The following ASTN2 variants were observed in gnomAD, a reference collection of about 807,000 sequenced individuals.
ASTN2 encodes astrotactin-2.
ASTN2 carries 54 observed loss-of-function variants against 139.8 expected under a neutral mutation model. The ratio of observed to expected loss-of-function variants is 0.39; its 90% CI spans 0.31 to 0.48. The LOEUF is 0.48. Ranked by LOEUF, ASTN2 falls within the 20% of genes least tolerant of loss-of-function variation. ASTN2 has a pLI of 0.95. For synonymous variants in ASTN2, 756 were observed against 719.5 expected (o/e 1.05, Z -0.81); for missense variants, 1,565 against 1,725.1 (o/e 0.91, Z 1.64).
At chr9:117,169,203 A>T (rs1830735024) in intron 3 of ASTN2, among the ~76,000 whole-genome samples, 1 of 40,758 alleles carries the variant, frequency 2.5e-5, no homozygotes, top group Non-Finnish European at 4.4e-5. Flanking sequence ...AAGGAAGAAG[A>T]AAAAGAAAAA....
Position 116,424,084 on chromosome 9 carries a change from T to C in ASTN2, c.*1767A>G, listed in dbSNP as rs1354504800. On this transcript the variant is annotated 3_prime_UTR_variant, in exon 23 of 23. Transcript: ENST00000313400. Reference sequence around the variant, plus strand: ...CATCTGCTCAAGCTAGGTAGCTTATTTGAGCTAATATGAGGGTGTTAAGAA... The same window carrying C: ...CATCTGCTCAAGCTAGGTAGCTTATCTGAGCTAATATGAGGGTGTTAAGAA... 6.6e-6 allele frequency among the ~76,000 whole-genome samples: 1 copy of C among 152,208 alleles called. No individual in the cohort carries two copies. Among genetic ancestry groups the C allele is most frequent in the Non-Finnish European group, 1.5e-5 (1 of 68,036 alleles).
intron 13 of ASTN2, among the ~76,000 whole-genome samples, chr9:116,748,845 G>C (rs1829322865): frequency 6.6e-6 from 1 of 152,072 alleles, no homozygotes; most frequent in African/African-American, 2.4e-5. Flanking sequence ...CCATCTCTAG[G>C]GAGTGTTTAA....
intron 2 of ASTN2, among the ~76,000 whole-genome samples, chr9:117,229,433 C>T (rs1235583348): frequency 6.6e-6 from 1 of 152,190 alleles, no homozygotes; most frequent in Admixed American, 6.5e-5. Context: ...CTACCCAAGA[C>T]TGGGCAGTCT....
chr9:116,439,194 A>ATTTTTTTTTTTT (rs1016270368), intron 22 of ASTN2, among the ~76,000 whole-genome samples: 1,364 of 56,672 alleles, frequency 0.024, 134 homozygotes, highest in East Asian at 0.039. Flanking sequence ...ATTCAAATAC[A>ATTTTTTTTTTTT]TTTTTTTTTT....
At chr9:116,995,213 C>T (rs1304037724) in intron 7 of ASTN2, among the ~76,000 whole-genome samples, 2 of 152,170 alleles carry the variant, frequency 1.3e-5, no homozygotes, top group Non-Finnish European at 2.9e-5. Flanking sequence ...CTTCTTCATT[C>T]TACATATTTC....
At chr9:117,080,609 T>C (rs1052797091) in intron 5 of ASTN2, among the ~76,000 whole-genome samples, 5 of 152,230 alleles carry the variant, frequency 3.3e-5, no homozygotes, top group African/African-American at 9.7e-5. Context: ...CATTTATTTC[T>C]ATTTTTCTAT....
chr9:117,174,517 TA>T (rs752622038), intron 3 of ASTN2, among the ~76,000 whole-genome samples: 50 of 152,082 alleles, frequency 3.3e-4, no homozygotes, highest in Non-Finnish European at 5.6e-4. Context: ...TAATTACATA[TA>T]CAAATATTTA....
intron 1 of ASTN2, among the ~76,000 whole-genome samples, chr9:117,327,262 G>C (rs1828547597): frequency 6.6e-6 from 1 of 152,148 alleles, no homozygotes; most frequent in African/African-American, 2.4e-5. Flanking sequence ...CTGGTCTGTG[G>C]CCCAGGGATT....
intron 3 of ASTN2, among the ~76,000 whole-genome samples, chr9:117,200,711 C>T (rs1831681135): frequency 6.6e-6 from 1 of 152,136 alleles, no homozygotes; most frequent in African/African-American, 2.4e-5. Flanking sequence ...AGGGATGAAG[C>T]CGACTTAATC....
intron 1 of ASTN2, among the ~76,000 whole-genome samples, chr9:117,385,170 A>C (rs1253190206): frequency 6.6e-6 from 1 of 152,116 alleles, no homozygotes. Context: ...CATGCCTATT[A>C]ATATATTAAC....
intron 16 of ASTN2, among the ~76,000 whole-genome samples, chr9:116,714,799 G>GTTTTTCCAGCTATTCC (rs1346725095): frequency 1.1e-3 from 4 of 3,632 alleles, no homozygotes; most frequent in Admixed American, 6.8e-3. Flanking sequence ...ATCATGTGAG[G>GTTTTTCCAGCTATTCC]CCGGGCGCGG....
intron 5 of ASTN2, among the ~76,000 whole-genome samples, chr9:117,089,286 T>C (rs1828643856): frequency 6.6e-6 from 1 of 152,188 alleles, no homozygotes; most frequent in African/African-American, 2.4e-5. Context: ...AGCACACATC[T>C]CCTGACTCTG....
intron 2 of ASTN2, among the ~76,000 whole-genome samples, chr9:117,233,554 A>G (rs543745481): frequency 6.6e-6 from 1 of 152,200 alleles, no homozygotes. Flanking sequence ...CCCCAAAATG[A>G]ACATCAAATT....
At chr9:116,653,406 T>G (rs1027076572) in intron 16 of ASTN2, among the ~76,000 whole-genome samples, 5 of 152,196 alleles carry the variant, frequency 3.3e-5, no homozygotes, top group African/African-American at 9.7e-5. Flanking sequence ...CAAGATTTCG[T>G]GAAAATAAAG....
intron 3 of ASTN2, among the ~76,000 whole-genome samples, chr9:117,202,458 A>AT (rs1245262688): frequency 1.2e-4 from 18 of 151,926 alleles, no homozygotes. Context: ...ATTTTGGTGT[A>AT]TTTTTGCAGT....
intron 19 of ASTN2, among the ~76,000 whole-genome samples, chr9:116,560,766 T>C (rs1204003144): frequency 6.6e-6 from 1 of 152,184 alleles, no homozygotes; most frequent in Non-Finnish European, 1.5e-5. Context: ...TCAATAGATA[T>C]TTTTTGAATA....
At chr9:117,043,974 C>T (rs1838659693) in intron 5 of ASTN2, among the ~76,000 whole-genome samples, 1 of 150,940 alleles carries the variant, frequency 6.6e-6, no homozygotes, top group Admixed American at 6.6e-5. Context: ...GAAGTGAATT[C>T]ACATTAGTTT....
chr9:116,627,705 T>C (rs1191165506), intron 17 of ASTN2, among the ~76,000 whole-genome samples: 2 of 152,172 alleles, frequency 1.3e-5, no homozygotes, highest in Non-Finnish European at 2.9e-5. Context: ...GGACTTGAAC[T>C]CAAGCCATCT....
At chr9:116,442,597 A>C in intron 20 of ASTN2, 44 bp from the exon 21 acceptor site, 1 of 1,537,804 alleles carries the variant, frequency 6.5e-7, no homozygotes. Context: ...GTGACTTCAC[A>C]GAAGGCCCTG....
Sources: gnomAD v4.1 joint callset for allele counts (sites outside exome capture counted in the v4.1 genomes callset) on GRCh38, gnomAD v4.1.1 for gene constraint, MANE v1.5 for transcripts, NCBI Gene and HGNC (gene_info 2026-07-23, HGNC 2026-07-21) for gene names.